Variants in SUPT3H observed in about 807,000 individuals in gnomAD.
SUPT3H encodes transcription initiation protein SPT3 homolog.
SUPT3H carries 44 observed loss-of-function variants against 44.3 expected under a neutral mutation model. The observed-to-expected ratio is 0.99, with a 90% confidence interval of 0.78 to 1.28. The LOEUF is 1.28. SUPT3H is among the 50% of genes most tolerant of loss of function. SUPT3H has a pLI of 0.00. For missense variants in SUPT3H, 380 were observed against 387.1 expected (o/e 0.98, Z 0.15); for synonymous variants, 124 against 125.6 (o/e 0.99, Z 0.09).
chr6:45,031,452 G>C (rs563195095), intron 3 of SUPT3H, among the ~76,000 whole-genome samples: 3 of 152,164 alleles, frequency 2.0e-5, no homozygotes, highest in South Asian at 4.1e-4. Context: ...CAAACTTCAA[G>C]GGAAAAATAA....
intron 3 of SUPT3H, among the ~76,000 whole-genome samples, chr6:45,102,443 C>T (rs912701778): frequency 1.6e-4 from 24 of 152,072 alleles, no homozygotes; most frequent in African/African-American, 5.5e-4. Context: ...AAGTTACCTG[C>T]CAGCTAAAAC....
intron 10 of SUPT3H, among the ~76,000 whole-genome samples, chr6:44,910,944 G>A (rs1412219262): frequency 4.0e-5 from 5 of 123,768 alleles, no homozygotes; most frequent in South Asian, 2.7e-4. Flanking sequence ...GCAATGAGCC[G>A]AGATCATGCC....
intron 3 of SUPT3H, among the ~76,000 whole-genome samples, chr6:45,024,946 G>T (rs188641127): frequency 5.9e-4 from 90 of 151,910 alleles, no homozygotes; most frequent in African/African-American, 2.1e-3. Context: ...TTCTGAGGCT[G>T]CTGGCTTTCA....
chr6:44,825,695 T>A (rs1767692354), downstream of SUPT3H, among the ~76,000 whole-genome samples: 2 of 152,056 alleles, frequency 1.3e-5, 1 homozygote, highest in South Asian at 4.1e-4. Flanking sequence ...CTTATTAAAA[T>A]GCTGACACAA....
chr6:45,290,025 A>G (rs990843964), intron 2 of SUPT3H, among the ~76,000 whole-genome samples: 5 of 152,032 alleles, frequency 3.3e-5, no homozygotes, highest in South Asian at 2.1e-4. Context: ...CAAAAATTTT[A>G]AAAAGTTAGT....
chr6:45,093,053 CAACT>C (rs967808689), intron 3 of SUPT3H, among the ~76,000 whole-genome samples: 11 of 151,820 alleles, frequency 7.2e-5, no homozygotes, highest in African/African-American at 1.2e-4. Flanking sequence ...CCTAATAAAA[CAACT>C]AACACAATGT....
At chr6:45,142,764 A>AAAAAAAAAAAT (rs1805441110) in intron 2 of SUPT3H, among the ~76,000 whole-genome samples, 1 of 127,034 alleles carries the variant, frequency 7.9e-6, no homozygotes, top group Non-Finnish European at 1.7e-5. Flanking sequence ...AAAAAAAAAA[A>AAAAAAAAAAAT]GCAGAATGGC....
At chr6:45,286,103 G>T (rs1327104213) in intron 2 of SUPT3H, among the ~76,000 whole-genome samples, 1 of 151,100 alleles carries the variant, frequency 6.6e-6, no homozygotes, top group Non-Finnish European at 1.5e-5. Context: ...ATTCAAGATG[G>T]ATTAAAGACT....
chr6:44,842,325 A>C (rs1771075376), intron 10 of SUPT3H, among the ~76,000 whole-genome samples: 2 of 152,112 alleles, frequency 1.3e-5, no homozygotes, highest in South Asian at 4.1e-4. Flanking sequence ...AGAGGAAGGA[A>C]GTTACTTAGA....
chr6:44,942,771 G>A (rs184484732), intron 9 of SUPT3H, among the ~76,000 whole-genome samples: 1 of 152,190 alleles, frequency 6.6e-6, no homozygotes, highest in East Asian at 1.9e-4. Context: ...TGTATGGTAT[G>A]AAATGCATGC....
chr6:45,343,121 A>G (rs1169222412), intron 2 of SUPT3H, among the ~76,000 whole-genome samples: 1 of 152,190 alleles, frequency 6.6e-6, no homozygotes, highest in Non-Finnish European at 1.5e-5. Flanking sequence ...AATATAATCA[A>G]CTTTCCAAAC....
At chr6:45,273,185 T>C (rs1776482155) in intron 2 of SUPT3H, among the ~76,000 whole-genome samples, 1 of 152,214 alleles carries the variant, frequency 6.6e-6, no homozygotes, top group African/African-American at 2.4e-5. Context: ...ATCTATGGTA[T>C]TGGCCAGTTT....
chr6:45,082,003 T>C (rs1229179874), intron 3 of SUPT3H, among the ~76,000 whole-genome samples: 1 of 152,086 alleles, frequency 6.6e-6, no homozygotes, highest in Non-Finnish European at 1.5e-5. Context: ...ATAAAGAAAG[T>C]GCCACATCTA....
intron 2 of SUPT3H, among the ~76,000 whole-genome samples, chr6:45,256,702 G>A (rs139929099): frequency 1.5e-3 from 222 of 152,142 alleles, no homozygotes; most frequent in African/African-American, 5.1e-3. Flanking sequence ...ATAATATAGT[G>A]ACTGGCTTTT....
At chr6:45,154,001 C>T (rs895188254) in intron 2 of SUPT3H, among the ~76,000 whole-genome samples, 3 of 136,916 alleles carry the variant, frequency 2.2e-5, no homozygotes, top group East Asian at 2.4e-4. Context: ...ACCCGGGAGG[C>T]GGAGGTTCCA....
At chr6:45,094,642 C>T (rs1036993287) in intron 3 of SUPT3H, among the ~76,000 whole-genome samples, 2 of 151,846 alleles carry the variant, frequency 1.3e-5, no homozygotes, top group Admixed American at 6.6e-5. Flanking sequence ...ACAGAATATG[C>T]CCATTTTAAA....
At chr6:44,888,241 G>A (rs2153439248) in intron 10 of SUPT3H, among the ~76,000 whole-genome samples, 1 of 152,306 alleles carries the variant, frequency 6.6e-6, no homozygotes, top group Non-Finnish European at 1.5e-5. Flanking sequence ...CAGAAAAAGA[G>A]GGAATCCTCC....
intron 1 of SUPT3H, among the ~76,000 whole-genome samples, chr6:45,367,047 G>A (rs766666038): frequency 6.1e-4 from 93 of 152,296 alleles, no homozygotes; most frequent in Non-Finnish European, 1.0e-3. Context: ...TGGGCCCCAC[G>A]AAAGAAGGTT....
chr6:45,268,869 ATAT>A (rs1775679583), intron 2 of SUPT3H, among the ~76,000 whole-genome samples: 1 of 152,220 alleles, frequency 6.6e-6, no homozygotes, highest in African/African-American at 2.4e-5. Context: ...TTTAATGAAT[ATAT>A]TGGTTAAAAT....
Sources: gnomAD v4.1 joint callset for allele counts (sites outside exome capture counted in the v4.1 genomes callset) on GRCh38, gnomAD v4.1.1 for gene constraint, MANE v1.5 for transcripts, NCBI Gene and HGNC (gene_info 2026-07-23, HGNC 2026-07-21) for gene names.